The following RGS7 variants were observed in gnomAD, a reference collection of about 807,000 sequenced individuals.
RGS7 encodes the protein regulator of G-protein signaling 7.
RGS7 carries 27 observed loss-of-function variants against 81.1 expected under a neutral mutation model. The observed-to-expected ratio is 0.33, with a 90% CI of 0.25 to 0.46. The LOEUF (loss-of-function observed/expected upper bound fraction) is 0.46. Ranked by LOEUF, RGS7 falls within the 20% of genes least tolerant of loss-of-function variation. RGS7 has a pLI of 1.00. For missense variants in RGS7, 396 were observed against 607.4 expected, an observed-to-expected ratio of 0.65 and a Z score of 3.66; for synonymous variants, 208 against 207.7, an observed-to-expected ratio of 1.00 and a Z score of -0.01.
intron 2 of RGS7, among the ~76,000 whole-genome samples, chr1:241,104,241 CGG>C (rs2064960346): frequency 1.3e-5 from 2 of 152,038 alleles, no homozygotes; most frequent in Non-Finnish European, 2.9e-5. Context: ...TAGGAAGATA[CGG>C]ATCCTTTTTC....
chr1:240,922,181 A>G (rs954264816), intron 6 of RGS7, among the ~76,000 whole-genome samples: 3 of 152,074 alleles, frequency 2.0e-5, no homozygotes, highest in African/African-American at 7.2e-5. Flanking sequence ...TGCAAAAAAA[A>G]TAAATATAGA....
intron 2 of RGS7, among the ~76,000 whole-genome samples, chr1:241,182,800 T>A (rs2103320578): frequency 6.6e-6 from 1 of 151,116 alleles, no homozygotes; most frequent in East Asian, 2.0e-4. Flanking sequence ...AGGCACATGC[T>A]ACCATACCGG....
chr1:240,928,728 C>G (rs1572812243), intron 6 of RGS7, among the ~76,000 whole-genome samples: 1 of 151,864 alleles, frequency 6.6e-6, no homozygotes, highest in African/African-American at 2.4e-5. Flanking sequence ...CCTGCCTCAG[C>G]CTCCCAGGTA....
chr1:240,955,665 G>C (rs1211976815), intron 4 of RGS7, among the ~76,000 whole-genome samples: 1 of 151,594 alleles, frequency 6.6e-6, no homozygotes, highest in Non-Finnish European at 1.5e-5. Flanking sequence ...AAAAAGAACA[G>C]AGAAATATAT....
intron 2 of RGS7, among the ~76,000 whole-genome samples, chr1:241,186,646 C>G (rs1321656315): frequency 2.0e-5 from 3 of 151,648 alleles, no homozygotes; most frequent in Admixed American, 6.6e-5. Context: ...GCCTCAGCCT[C>G]CCAAGTAGCT....
At chr1:240,902,973 T>C (rs1034303031) in intron 6 of RGS7, among the ~76,000 whole-genome samples, 18 of 152,344 alleles carry the variant, frequency 1.2e-4, no homozygotes, top group African/African-American at 3.6e-4. Flanking sequence ...TGTTATCTTG[T>C]ATTTTCTTTC....
chr1:241,087,568 G>A (rs762481199), intron 3 of RGS7, among the ~76,000 whole-genome samples: 1 of 152,142 alleles, frequency 6.6e-6, no homozygotes, highest in Non-Finnish European at 1.5e-5. Flanking sequence ...TCTGGAAGGC[G>A]ATTAATCAAA....
intron 3 of RGS7, among the ~76,000 whole-genome samples, chr1:241,027,461 G>T (rs1418900773): frequency 6.6e-6 from 1 of 152,150 alleles, no homozygotes; most frequent in Non-Finnish European, 1.5e-5. Context: ...GATGACTTTG[G>T]CTGCTGTGTG....
At chr1:241,299,002 G>A (rs2079579357) in intron 2 of RGS7, among the ~76,000 whole-genome samples, 1 of 152,134 alleles carries the variant, frequency 6.6e-6, no homozygotes, top group Non-Finnish European at 1.5e-5. Context: ...ACATAATTTA[G>A]CACCTAAAGA....
chr1:240,808,649 A>G (rs529689786), intron 14 of RGS7, among the ~76,000 whole-genome samples: 3 of 152,132 alleles, frequency 2.0e-5, no homozygotes, highest in Non-Finnish European at 4.4e-5. Context: ...ACTCCCTCAC[A>G]CGGTCTTTCT....
intron 3 of RGS7, among the ~76,000 whole-genome samples, chr1:241,035,513 C>A (rs1242007904): frequency 6.6e-6 from 1 of 152,100 alleles, no homozygotes. Flanking sequence ...GGTGGGCTTT[C>A]TCGATGACAT....
At position 241,355,800 on chromosome 1, in the gene RGS7, T is replaced by G. The variant is rs1438406505; in HGVS notation, c.-24A>C. 6.3e-7 allele frequency: 1 copy of G among 1,599,848 alleles called. No individual in the cohort carries two copies. Among genetic ancestry groups the G allele is most frequent in the Admixed American group, 1.7e-5 (1 of 60,010 alleles). ...ATGTCACCCAAAACTTGGTCCACTC[T>G]CAAGATACAAGAATTATCAGTGTGC... On this transcript the variant is annotated 5_prime_UTR_variant, in exon 2 of 19. Transcript: ENST00000440928.
chr1:241,315,107 C>CTTTTTTTTTTTTTTTT lies in RGS7; in HGVS notation c.78+40576_78+40591dup, dbSNP rs5782184. Reference sequence around the variant, plus strand: ...GAAGCTTTTTTTTTTTCTTCTTCTTCTTTTTTTTTTTTTTTTTTTTTTTTT... The same window carrying CTTTTTTTTTTTTTTTT: ...GAAGCTTTTTTTTTTTCTTCTTCTTCTTTTTTTTTTTTTTTTTTTTTTTTTTTTTTTTTTTTTTTTT... On this transcript the variant is annotated intron_variant, in intron 2 of 18. Coordinates refer to ENST00000440928, the MANE Select transcript of RGS7 (RefSeq NM_001364886.1). Among the ~76,000 whole-genome samples the CTTTTTTTTTTTTTTTT allele has an allele frequency of 2.6e-4, 15 of 57,432 alleles. 3 individuals carry two copies. The highest frequency in any genetic ancestry group is 5.5e-4 in the East Asian group (1 of 1,806). 37.7% of individuals were successfully genotyped at this position (57,432 alleles called of 152,430 possible). A position where few individuals can be genotyped will look rare whatever the true frequency, so the allele number is the denominator to read the frequency against.
At chr1:241,064,732 A>C (rs1430183207) in intron 3 of RGS7, among the ~76,000 whole-genome samples, 1 of 152,116 alleles carries the variant, frequency 6.6e-6, no homozygotes, top group Non-Finnish European at 1.5e-5. Flanking sequence ...TTTAAAAAAA[A>C]AAGAGACAAA....
chr1:241,297,649 G>A (rs914406979), intron 2 of RGS7, among the ~76,000 whole-genome samples: 1 of 152,132 alleles, frequency 6.6e-6, no homozygotes, highest in African/African-American at 2.4e-5. Flanking sequence ...CGAAGCTTGG[G>A]GTTGCCATGA....
At chr1:240,853,161 A>C (rs1660413799) in intron 9 of RGS7, among the ~76,000 whole-genome samples, 2 of 152,178 alleles carry the variant, frequency 1.3e-5, no homozygotes, top group Non-Finnish European at 2.9e-5. Flanking sequence ...ATTTTCTTAG[A>C]AAAAAATAAG....
chr1:241,297,660 G>C (rs2079507870), intron 2 of RGS7, among the ~76,000 whole-genome samples: 1 of 152,182 alleles, frequency 6.6e-6, no homozygotes, highest in Non-Finnish European at 1.5e-5. Flanking sequence ...GTTGCCATGA[G>C]ATCTACATGA....
intron 3 of RGS7, among the ~76,000 whole-genome samples, chr1:241,067,937 A>G (rs2062166339): frequency 6.7e-6 from 1 of 150,332 alleles, no homozygotes; most frequent in South Asian, 2.1e-4. Context: ...GTTTAGATGC[A>G]TAAGGAATTG....
intron 2 of RGS7, among the ~76,000 whole-genome samples, chr1:241,102,740 A>G (rs775414341): frequency 1.3e-4 from 20 of 152,148 alleles, no homozygotes; most frequent in Non-Finnish European, 2.8e-4. Flanking sequence ...AACCTCTGGG[A>G]AAAACAGCCA....
Sources: gnomAD v4.1 joint callset for allele counts (sites outside exome capture counted in the v4.1 genomes callset) on GRCh38, gnomAD v4.1.1 for gene constraint, MANE v1.5 for transcripts, NCBI Gene and HGNC (gene_info 2026-07-23, HGNC 2026-07-21) for gene names.